The following MYO18B variants were observed in gnomAD, a reference collection of about 807,000 sequenced individuals.
The protein encoded by MYO18B is myosin XVIIIB.
In MYO18B, 204 loss-of-function variants were observed where a neutral mutation model predicts 273.0. The ratio of observed to expected loss-of-function variants is 0.75; its 90% CI spans 0.67 to 0.84. The LOEUF (loss-of-function observed/expected upper bound fraction) is 0.84. Among genes scored for constraint, MYO18B ranks in the 40% least tolerant of loss-of-function variants. MYO18B has a pLI of 0.00. For missense variants in MYO18B, 3,212 were observed against 3,287.6 expected (o/e 0.98, Z 0.56); for synonymous variants, 1,330 against 1,305.7 (o/e 1.02, Z -0.40).
At chr22:25,997,938 C>CACACACACAA (rs1165784724) in intron 40 of MYO18B, among the ~76,000 whole-genome samples, 2 of 137,930 alleles carry the variant, frequency 1.5e-5, no homozygotes, top group Admixed American at 1.4e-4. Flanking sequence ...GAGAAACACA[C>CACACACACAA]ACACACACAC....
intron 39 of MYO18B, among the ~76,000 whole-genome samples, chr22:25,988,269 A>G (rs1054267102): frequency 6.6e-6 from 1 of 152,020 alleles, no homozygotes; most frequent in African/African-American, 2.4e-5. Flanking sequence ...GGTCTCTGCA[A>G]TCAGCAGACT....
At chr22:25,778,318 G>T (rs962218176) in intron 8 of MYO18B, among the ~76,000 whole-genome samples, 1 of 152,086 alleles carries the variant, frequency 6.6e-6, no homozygotes, top group Non-Finnish European at 1.5e-5. Context: ...CTCAGGGAGC[G>T]CAGAGGAGGG....
rs10598069 is a variant in MYO18B, at chr22:25,787,272, GCA to G, written c.2376+1818_2376+1819del. On this transcript the variant is annotated intron_variant, in intron 11 of 43. Coordinates refer to ENST00000335473, the MANE Select transcript of MYO18B (RefSeq NM_032608.7). ...TAAGCCTGTGTGCGTGCAGGCGCGC[GCA>G]CACACACACACACACACACACACAC... 6.1e-3 allele frequency among the ~76,000 whole-genome samples: 830 copies of G among 136,692 alleles called. 12 individuals carry two copies. Among genetic ancestry groups the G allele is most frequent in the East Asian group, 0.041 (136 of 3,334 alleles). 89.7% of individuals were successfully genotyped at this position (136,692 alleles called of 152,430 possible).
rs1219751036 is a variant in MYO18B at position 25,868,370 on chromosome 22, T to C, written c.3936T>C (p.Ala1312=). 4.4e-6 allele frequency: 7 copies of C among 1,600,396 alleles called. No homozygotes were observed. In the Admixed American group the frequency reaches 8.6e-5, roughly 20 times the overall value. ...ETLDLEKKAV[A]VGHSQVFLKA... ...TGGATCTGGAAAAGAAGGCGGTGGCTGTGGGGCACAGCCAAGTGAGTAGAG... is the reference window on the plus strand; with the variant it reads ...TGGATCTGGAAAAGAAGGCGGTGGCCGTGGGGCACAGCCAAGTGAGTAGAG... The change falls in exon 22 of 44, where the codon GCT becomes GCC. Residue 1312 remains alanine, a synonymous_variant. Coordinates refer to ENST00000335473, the MANE Select transcript of MYO18B (RefSeq NM_032608.7).
chr22:26,024,272 T>C (rs1478941245), intron 42 of MYO18B, among the ~76,000 whole-genome samples: 1 of 152,214 alleles, frequency 6.6e-6, no homozygotes, highest in Admixed American at 6.5e-5. Context: ...TTTGGGTAAT[T>C]AGGTGCCAGA....
At chr22:25,799,087 A>G (rs2088061904) in intron 12 of MYO18B, among the ~76,000 whole-genome samples, 1 of 147,964 alleles carries the variant, frequency 6.8e-6, no homozygotes. Flanking sequence ...TTTCTGTCCT[A>G]GTTTCTCTAT....
chr22:25,837,395 A>G (rs571170318), intron 17 of MYO18B, among the ~76,000 whole-genome samples: 2 of 152,220 alleles, frequency 1.3e-5, no homozygotes, highest in Admixed American at 6.5e-5. Flanking sequence ...CCTGGAAGCC[A>G]CAGGAGGGAT....
At chr22:26,034,706 C>A (rs1441158819), downstream of MYO18B, among the ~76,000 whole-genome samples, 1 of 152,162 alleles carries the variant, frequency 6.6e-6, no homozygotes, top group African/African-American at 2.4e-5. Context: ...TGCTTTTATA[C>A]CCTGAGGCCA....
chr22:25,911,660 C>T (rs192127352), intron 33 of MYO18B, among the ~76,000 whole-genome samples: 9 of 152,320 alleles, frequency 5.9e-5, no homozygotes, highest in Admixed American at 2.6e-4. Context: ...CGGGATATCA[C>T]GCAGCATCCC....
At chr22:25,861,274 C>T (rs2090727562) in intron 21 of MYO18B, among the ~76,000 whole-genome samples, 3 of 152,084 alleles carry the variant, frequency 2.0e-5, no homozygotes, top group African/African-American at 7.2e-5. Context: ...TTCTATTTAT[C>T]CTGTCATTCT....
chr22:25,975,010 C>T lies in MYO18B; in HGVS notation c.6157-17353C>T, dbSNP rs554340950. ...ATGGGGGAGACTGTTGGAATCAATG[C>T]CTGGCTTCCAAAGTTCTGGAAGACC... On this transcript the variant is annotated intron_variant, in intron 39 of 43. Transcript: ENST00000335473. 1.1e-4 allele frequency among the ~76,000 whole-genome samples: 16 copies of T among 152,254 alleles called. No homozygotes were observed. The South Asian group carries it at 3.3e-3, about 32-fold the overall frequency.
rs1037949492 is a variant in MYO18B, at chr22:25,768,687, G to A, written c.771G>A (p.Glu257=). ...AGACCACAGAGCTGAAAGAGGCTGA[G>A]CCCCAGGGCAAAGACAGGCAGGGGA... is the stretch of plus-strand genomic sequence containing the variant. The part of the protein sequence containing the change: ...TPKTTELKEA[E]PQGKDRQGTR... Residue 257 remains glutamate (E), a synonymous_variant, in exon 4 of 44, where the codon GAG becomes GAA. Transcript: ENST00000335473. 2 of 1,561,876 alleles carry A rather than the reference G, an allele frequency of 1.3e-6. No homozygotes were observed. Among genetic ancestry groups the A allele is most frequent in the African/African-American group, 1.4e-5 (1 of 73,352 alleles).
intron 34 of MYO18B, among the ~76,000 whole-genome samples, chr22:25,930,113 C>G (rs189316634): frequency 1.3e-5 from 2 of 152,124 alleles, no homozygotes; most frequent in African/African-American, 4.8e-5. Flanking sequence ...TTGCTTCTTT[C>G]ACTGATCCCT....
intron 40 of MYO18B, among the ~76,000 whole-genome samples, chr22:25,996,860 T>C (rs755226985): frequency 3.3e-5 from 5 of 152,070 alleles, no homozygotes; most frequent in Non-Finnish European, 5.9e-5. Flanking sequence ...GCAGCCCTCT[T>C]GTTCCCCTTT....
intron 11 of MYO18B, among the ~76,000 whole-genome samples, chr22:25,794,430 C>T (rs1461946161): frequency 6.6e-6 from 1 of 152,106 alleles, no homozygotes; most frequent in Non-Finnish European, 1.5e-5. Flanking sequence ...GTCAACTCCT[C>T]CCACCTCAGC....
intron 25 of MYO18B, among the ~76,000 whole-genome samples, chr22:25,888,210 G>A (rs2091558097): frequency 6.6e-6 from 1 of 152,090 alleles, no homozygotes; most frequent in African/African-American, 2.4e-5. Context: ...GTAGATTCCT[G>A]AATTATGCTT....
intron 23 of MYO18B, among the ~76,000 whole-genome samples, chr22:25,875,505 T>TCC (rs11401468): frequency 0.021 from 3,237 of 150,768 alleles, 100 homozygotes; most frequent in African/African-American, 0.069. Flanking sequence ...GCTGTTCTGG[T>TCC]CCCCCCCCCA....
chr22:26,015,568 C>G (rs1802390737), intron 42 of MYO18B, among the ~76,000 whole-genome samples: 1 of 152,186 alleles, frequency 6.6e-6, no homozygotes, highest in African/African-American at 2.4e-5. Context: ...CCAAATACCA[C>G]ATCATCTCAC....
intron 14 of MYO18B, 115 bp downstream of exon 14, chr22:25,826,614 G>GGTGGACAGTGGA: frequency 1.1e-6 from 1 of 882,510 alleles, no homozygotes; most frequent in South Asian, 1.6e-5. Flanking sequence ...GGGTTTCTAA[G>GGTGGACAGTGGA]GTGGACAGTG....
Sources: allele counts gnomAD v4.1 joint callset (sites outside exome capture counted in the v4.1 genomes callset), GRCh38; gene constraint gnomAD v4.1.1; transcripts MANE v1.5; gene names NCBI Gene and HGNC (gene_info 2026-07-23, HGNC 2026-07-21).